Variants in LMNA observed in about 807,000 individuals in gnomAD.
The protein encoded by LMNA is lamin A/C.
LMNA carries 20 observed loss-of-function variants against 70.4 expected under a neutral mutation model. That is an observed-to-expected ratio of 0.28 (90% CI 0.20 to 0.41). LMNA has a LOEUF of 0.41. LMNA is among the 10% of genes least tolerant of loss of function. The pLI, the probability that LMNA is intolerant of heterozygous loss-of-function variation, is 1.00. For synonymous variants in LMNA, 339 were observed against 372.8 expected (o/e 0.91, Z 1.04); for missense variants, 652 against 917.2 (o/e 0.71, Z 3.73).
At chr1:156,092,995 TCTC>T (rs1180758393) in intron 3 of LMNA, among the ~76,000 whole-genome samples, 1 of 151,538 alleles carries the variant, frequency 6.6e-6, no homozygotes, top group African/African-American at 2.4e-5. Context: ...TTCAAGCAAT[TCTC>T]CTGCCTCAGC....
rs552076861 is a variant in LMNA at position 156,138,077 on chromosome 1, C to T, written c.1698+334C>T. On this transcript the variant is annotated intron_variant, in intron 10 of 11. Coordinates refer to ENST00000368300, the MANE Select transcript of LMNA (RefSeq NM_170707.4). The surrounding 1 kb of genome is among the most constrained non-coding windows in gnomAD (Gnocchi z 5.5). ...GCATGCCCGCCCTGCCTCTCTCCCC[C>T]ATTCTTGTTGCATGCATATCCTCTC... 8 of 540,482 alleles carry T rather than the reference C, an allele frequency of 1.5e-5. No homozygotes were observed. Among genetic ancestry groups the T allele is most frequent in the Non-Finnish European group, 3.3e-6 (1 of 300,472 alleles). The allele number at this position is 540,482 out of a possible 1,614,324, so 33.5% of individuals were successfully genotyped here. A position where few individuals can be genotyped will look rare whatever the true frequency, so the allele number is the denominator to read the frequency against.
chr1:156,137,071 G>A lies in LMNA; in HGVS notation c.1489-42G>A, dbSNP rs764107331. The stretch of plus-strand genomic sequence containing the variant: ...TGGGACTCTGGGGAGGCCTTGGGTG[G>A]CGATGGGAGCGCTGGGGTAAGTGTC... On this transcript the variant is annotated intron_variant, in intron 8 of 11. Coordinates refer to ENST00000368300, the MANE Select transcript of LMNA (RefSeq NM_170707.4). The surrounding 1 kb of genome is among the most constrained non-coding windows in gnomAD (Gnocchi z 4.6). 3 of 1,614,034 alleles carry A rather than the reference G, an allele frequency of 1.9e-6. No homozygotes were observed. The highest frequency in any genetic ancestry group is 2.5e-6 in the Non-Finnish European group (3 of 1,180,002).
rs893115591 is a variant in LMNA at position 156,137,381 on chromosome 1, C to G, written c.1608+149C>G. The G allele has an allele frequency of 5.6e-6, 6 of 1,063,820 alleles. No individual in the cohort carries two copies. The highest frequency in any genetic ancestry group is 4.1e-5 in the Admixed American group (2 of 48,880). 65.9% of individuals were successfully genotyped at this position (1,063,820 alleles called of 1,614,324 possible). The stretch of plus-strand genomic sequence containing the variant: ...GCTCCAGACTTCTCCACCCAGTAGG[C>G]AAACCAAAAGATGCTTCCTCAACAG... On this transcript the variant is annotated intron_variant, in intron 9 of 11. Coordinates refer to ENST00000368300, the MANE Select transcript of LMNA (RefSeq NM_170707.4). The surrounding 1 kb of genome is among the most constrained non-coding windows in gnomAD (Gnocchi z 4.6).
chr1:156,096,291 C>T (rs371996699), intron 3 of LMNA, among the ~76,000 whole-genome samples: 2 of 152,202 alleles, frequency 1.3e-5, no homozygotes, highest in South Asian at 4.1e-4. Flanking sequence ...AGGTGGGTGG[C>T]AGTGCACTGT....
At position 156,135,546 on chromosome 1, in the gene LMNA, C is replaced by G. The variant is rs2485664; in HGVS notation, c.936+234C>G. 3 of 624,820 alleles carry G rather than the reference C, an allele frequency of 4.8e-6. No individual in the cohort carries two copies. Among genetic ancestry groups the G allele is most frequent in the Non-Finnish European group, 8.4e-6 (3 of 357,856 alleles). 38.7% of individuals were successfully genotyped at this position (624,820 alleles called of 1,614,324 possible). A position where few individuals can be genotyped will look rare whatever the true frequency, so the allele number is the denominator to read the frequency against. ...TTCTCAGGGCTTTGGTTTTCCCATT[C>G]GAAAATGGAGGCTGTTCTTAATCTC... On this transcript the variant is annotated intron_variant, in intron 5 of 11. Coordinates refer to ENST00000368300, the MANE Select transcript of LMNA (RefSeq NM_170707.4). The surrounding 1 kb of genome is among the most constrained non-coding windows in gnomAD (Gnocchi z 4.8).
intron 1 of LMNA, among the ~76,000 whole-genome samples, chr1:156,117,139 A>G (rs1260875486): frequency 7.3e-6 from 1 of 137,758 alleles, no homozygotes; most frequent in Admixed American, 8.0e-5. Flanking sequence ...CATGTTGGCT[A>G]GGCTGGTCTC....
At chr1:156,124,627 G>A (rs561351115) in intron 1 of LMNA, among the ~76,000 whole-genome samples, 20 of 152,294 alleles carry the variant, frequency 1.3e-4, no homozygotes, top group East Asian at 5.8e-4. Context: ...GAGAGGGATA[G>A]CACCTCAAAT....
At chr1:156,116,182 A>AT in intron 1 of LMNA, among the ~76,000 whole-genome samples, 1 of 151,916 alleles carries the variant, frequency 6.6e-6, no homozygotes, top group South Asian at 2.1e-4. Context: ...AGCCACTTTC[A>AT]TTTTCCCAGC....
At position 156,114,854 on chromosome 1, in the gene LMNA, C is replaced by G; in HGVS notation, c.-65C>G. ...CCGACTCCGAGCAGTCTCTGTCCTT[C>G]GACCCGAGCCCCGCGCCCTTTCCGG... On this transcript the variant is annotated 5_prime_UTR_variant, in exon 1 of 12. Transcript: ENST00000368300. The G allele has an allele frequency of 8.5e-7, 1 of 1,175,056 alleles. No individual in the cohort carries two copies. Among genetic ancestry groups the G allele is most frequent in the Non-Finnish European group, 1.2e-6 (1 of 850,686 alleles). 72.8% of individuals were successfully genotyped at this position (1,175,056 alleles called of 1,614,324 possible). A position where few individuals can be genotyped will look rare whatever the true frequency, so the allele number is the denominator to read the frequency against.
rs1650997921 is a variant in LMNA at position 156,130,833 on chromosome 1, C to T, written c.513+60C>T. The stretch of plus-strand genomic sequence containing the variant: ...ACCTAACACATGTACACTCACTCTT[C>T]TACCTAGGCCCTCCCCCATGTGGTG... On this transcript the variant is annotated intron_variant, in intron 2 of 11. Coordinates refer to ENST00000368300, the MANE Select transcript of LMNA (RefSeq NM_170707.4). 7 of 1,494,456 alleles carry T rather than the reference C, an allele frequency of 4.7e-6. No homozygotes were observed. The Admixed American group carries it at 1.4e-4, about 29-fold the overall frequency. 92.6% of individuals were successfully genotyped at this position (1,494,456 alleles called of 1,614,324 possible). A position where few individuals can be genotyped will look rare whatever the true frequency, so the allele number is the denominator to read the frequency against.
intron 3 of LMNA, among the ~76,000 whole-genome samples, chr1:156,092,234 A>T (rs1037683092): frequency 7.9e-5 from 12 of 151,684 alleles, no homozygotes; most frequent in Non-Finnish European, 1.3e-4. Flanking sequence ...AATTTTTTTT[A>T]ATTAGCCAGG....
intron 1 of LMNA, 23 bp from the exon 2 acceptor site, chr1:156,130,594 C>A: frequency 6.2e-7 from 1 of 1,613,384 alleles, no homozygotes; most frequent in Non-Finnish European, 8.5e-7. Flanking sequence ...TCTCTTAAAT[C>A]TACTCTCCCC....
At chr1:156,130,898 T>C in intron 2 of LMNA, 125 bp downstream of exon 2, 1 of 915,402 alleles carries the variant, frequency 1.1e-6, no homozygotes, top group Non-Finnish European at 1.7e-6. Flanking sequence ...GCCATTCACC[T>C]GTCCTAGAGT....
intron 3 of LMNA, among the ~76,000 whole-genome samples, chr1:156,097,095 G>A (rs182654325): frequency 5.3e-5 from 8 of 152,326 alleles, no homozygotes; most frequent in African/African-American, 1.7e-4. Context: ...AATGAGAGGC[G>A]GTGAAGTCAG....
intron 1 of LMNA, among the ~76,000 whole-genome samples, chr1:156,117,491 T>A (rs1427590233): frequency 6.6e-6 from 1 of 152,172 alleles, no homozygotes; most frequent in African/African-American, 2.4e-5. Flanking sequence ...TGCCTCAGCC[T>A]CCCAAAGTGT....
In LMNA at chr1:156,099,922, T is replaced by C. The variant is rs902356939; in HGVS notation, c.-207+9340T>C. On this transcript the variant is annotated intron_variant, in intron 3 of 12. Transcript: ENST00000368301. ...CCATGTGTCACCCCAGATCAATTAC[T>C]AATCAAAATATCCAAGACTTTGGGC... Among the ~76,000 whole-genome samples, 6 of 149,748 alleles carry C rather than the reference T, an allele frequency of 4.0e-5. No homozygotes were observed. In the South Asian group the frequency reaches 1.3e-3, roughly 32 times the overall value.
upstream of LMNA, chr1:156,109,603 A>C (rs761240207): frequency 2.6e-5 from 4 of 152,228 alleles, no homozygotes; most frequent in Non-Finnish European, 5.9e-5. Flanking sequence ...CCAGTTCTGC[A>C]CTGGGCCTGT....
At chr1:156,132,517 T>C (rs1198164665) in intron 2 of LMNA, among the ~76,000 whole-genome samples, 1 of 152,062 alleles carries the variant, frequency 6.6e-6, no homozygotes, top group African/African-American at 2.4e-5. Flanking sequence ...AAATAAAAGC[T>C]AAGAATCAAA....
chr1:156,086,364 G>T (rs1648473544), intron 2 of LMNA, among the ~76,000 whole-genome samples: 1 of 150,498 alleles, frequency 6.6e-6, no homozygotes, highest in Non-Finnish European at 1.5e-5. Flanking sequence ...AATAATTCCT[G>T]TTAAGCCCTG....
Sources: allele counts gnomAD v4.1 joint callset (sites outside exome capture counted in the v4.1 genomes callset), GRCh38; gene constraint gnomAD v4.1.1; non-coding constraint Gnocchi (gnomAD v3.1); transcripts MANE v1.5; gene names NCBI Gene and HGNC (gene_info 2026-07-23, HGNC 2026-07-21).